The following GON4L variants were observed in gnomAD, a reference collection of about 807,000 sequenced individuals.
The protein encoded by GON4L is gon-4 like.
Under a neutral mutation model 211.8 loss-of-function variants are expected in GON4L, and 87 were observed. That is an observed-to-expected ratio of 0.41 (90% confidence interval 0.35 to 0.49). GON4L has a LOEUF of 0.49. Among genes scored for constraint, GON4L ranks in the 20% least tolerant of loss-of-function variants. The pLI is 0.15. For missense variants in GON4L, 2,155 were observed against 2,659.5 expected (o/e 0.81, Z 4.17); for synonymous variants, 875 against 962.6 (o/e 0.91, Z 1.68).
Position 155,766,155 on chromosome 1 carries a change from G to T in GON4L, c.3318C>A (p.Ala1106=). The change falls in exon 21 of 32, where the codon GCC becomes GCA. Residue 1106 remains alanine (A), a synonymous_variant. Coordinates refer to ENST00000368331, the MANE Select transcript of GON4L (RefSeq NM_001282860.2). ...CATATGGCTTTCGAAACTTAGAAGG[G>T]GCAAGGGAGGGCAGCATTACCTTGG... is the stretch of plus-strand genomic sequence containing the variant. ...PVPKVMLPSL[A]PSKFRKPYVR... 1 of 1,614,084 alleles carries T rather than the reference G, an allele frequency of 6.2e-7. No individual in the cohort carries two copies. Among genetic ancestry groups the T allele is most frequent in the South Asian group, 1.1e-5 (1 of 91,072 alleles).
chr1:155,766,206 C>T lies in GON4L; in HGVS notation c.3267G>A (p.Gln1089=), dbSNP rs1351097886. Residue 1089 remains glutamine (Q), a synonymous_variant, in exon 21 of 32, where the codon CAG becomes CAA. Coordinates refer to ENST00000368331, the MANE Select transcript of GON4L (RefSeq NM_001282860.2). ...GCACAGGGGCAGAAGAGAGCAAAGT[C>T]TGGGACTCAGACAGAGGGAAGCTTG... The part of the protein sequence containing the change: ...ARTSFPLSES[Q]TLLSSAPVPK... 2 of 1,613,966 alleles carry T rather than the reference C, an allele frequency of 1.2e-6. No individual in the cohort carries two copies. Among genetic ancestry groups the T allele is most frequent in the Admixed American group, 1.7e-5 (1 of 59,984 alleles).
chr1:155,811,391 CAAAAAAAAA>C (rs777417019), intron 10 of GON4L, among the ~76,000 whole-genome samples: 10 of 33,168 alleles, frequency 3.0e-4, no homozygotes, highest in East Asian at 1.1e-3. Flanking sequence ...GACTCCGTCT[CAAAAAAAAA>C]AAAAAAAAAA....
At chr1:155,798,010 G>C (rs1666245548) in intron 11 of GON4L, among the ~76,000 whole-genome samples, 1 of 151,632 alleles carries the variant, frequency 6.6e-6, no homozygotes. Flanking sequence ...GAGCCCAGGA[G>C]TTTGAGGCTG....
chr1:155,798,987 C>T (rs1666367961), intron 11 of GON4L, among the ~76,000 whole-genome samples: 1 of 152,108 alleles, frequency 6.6e-6, no homozygotes, highest in African/African-American at 2.4e-5. Flanking sequence ...AGCTTAATCA[C>T]TTTTTTGACT....
At chr1:155,792,753 T>C (rs1050423277) in intron 12 of GON4L, among the ~76,000 whole-genome samples, 1 of 152,150 alleles carries the variant, frequency 6.6e-6, no homozygotes, top group Non-Finnish European at 1.5e-5. Context: ...GACCATTCTG[T>C]CCTTCTTGAA....
chr1:155,803,247 CTTTT>C (rs1017161138), intron 11 of GON4L, among the ~76,000 whole-genome samples: 3 of 141,106 alleles, frequency 2.1e-5, no homozygotes, highest in African/African-American at 2.6e-5. Context: ...ATTTCTTTTT[CTTTT>C]TTTTTTTTTT....
intron 1 of GON4L, among the ~76,000 whole-genome samples, chr1:155,856,173 G>A (rs888683482): frequency 1.3e-5 from 2 of 151,904 alleles, no homozygotes; most frequent in African/African-American, 4.8e-5. Flanking sequence ...AAAGTTATTT[G>A]TAACTCTAAG....
intron 2 of GON4L, among the ~76,000 whole-genome samples, chr1:155,850,941 T>C (rs900873361): frequency 6.7e-6 from 1 of 148,898 alleles, no homozygotes; most frequent in Non-Finnish European, 1.5e-5. Context: ...CCTGTAGTCC[T>C]AGCTACTTGG....
chr1:155,795,199 T>C (rs1323001546), intron 11 of GON4L, 48 bp from the exon 12 acceptor site: 2 of 1,013,690 alleles, frequency 2.0e-6, no homozygotes, highest in African/African-American at 3.1e-5. Flanking sequence ...GTTCTCAAAC[T>C]TCTAAGAATC....
chr1:155,771,048 G>A lies in GON4L; in HGVS notation c.2646+19C>T, dbSNP rs1553200090. 1.1e-5 allele frequency: 17 copies of A among 1,614,080 alleles called. No individual in the cohort carries two copies. The highest frequency in any genetic ancestry group is 2.2e-5 in the South Asian group (2 of 91,086). On this transcript the variant is annotated intron_variant, in intron 19 of 31. Transcript: ENST00000368331. ...CATATTGGTGAGGTGCCCGGATGGC[G>A]CATGCAGGAAACACTCACTTTAATG...
chr1:155,855,312 C>T (rs919992417), intron 1 of GON4L, among the ~76,000 whole-genome samples: 1 of 151,924 alleles, frequency 6.6e-6, no homozygotes, highest in South Asian at 2.1e-4. Context: ...ATCAGCTTTT[C>T]GAGAAATGGG....
At chr1:155,781,742 T>C (rs1050608010) in intron 14 of GON4L, among the ~76,000 whole-genome samples, 3 of 152,038 alleles carry the variant, frequency 2.0e-5, no homozygotes, top group African/African-American at 7.2e-5. Flanking sequence ...ATTACTGGCG[T>C]GAGCCACCGC....
At position 155,849,922 on chromosome 1, in the gene GON4L, T is replaced by A. The variant is rs369507286; in HGVS notation, c.505+3354A>T. On this transcript the variant is annotated intron_variant, in intron 2 of 31. Transcript: ENST00000368331. ...ACTATCTCAAAGGAAATGCCTTTTT[T>A]CCAGTAAAAACACCTAAATTCCAGT... 2.0e-5 allele frequency among the ~76,000 whole-genome samples: 3 copies of A among 150,392 alleles called. No homozygotes were observed. In the South Asian group the frequency reaches 6.3e-4, roughly 32 times the overall value.
At position 155,776,470 on chromosome 1, in the gene GON4L, G is replaced by A. The variant is rs775230951; in HGVS notation, c.2103C>T (p.Leu701=). The change falls in exon 16 of 32, where the codon CTC becomes CTT. Residue 701 remains leucine (L), a synonymous_variant. Coordinates refer to ENST00000368331, the MANE Select transcript of GON4L (RefSeq NM_001282860.2). ...LQQQMQQHVQ[L]LTQIHLLATC... ...TGGCAAGAAGGTGGATTTGGGTCAAGAGCTGAACGTGCTGGGGATGGAAAG... is the reference window on the plus strand; with the variant it reads ...TGGCAAGAAGGTGGATTTGGGTCAAAAGCTGAACGTGCTGGGGATGGAAAG... 39 of 1,611,580 alleles carry A rather than the reference G, an allele frequency of 2.4e-5. No homozygotes were observed. Among genetic ancestry groups the A allele is most frequent in the Non-Finnish European group, 3.2e-5 (38 of 1,177,708 alleles).
rs569733769 is a variant in GON4L at position 155,760,569 on chromosome 1, T to C, written c.4984A>G (p.Ser1662Gly). The change falls in exon 24 of 32, where the codon AGT becomes GGT. Residue 1662 changes from serine to glycine, a missense_variant. Physicochemically the swap from Ser to Gly is moderately conservative, Grantham distance 56 (BLOSUM62 0). Coordinates refer to ENST00000368331, the MANE Select transcript of GON4L (RefSeq NM_001282860.2). ...FLQVIYEFES[S>G]TQRRTAVDLY... is the part of the protein sequence containing the mutation. ...TCTACAGCCGTCCGTCTCTGGGTAC[T>C]TGACTCAAATTCATAGATGACTTGA... 4 of 1,613,360 alleles carry C rather than the reference T, an allele frequency of 2.5e-6. No homozygotes were observed. The highest frequency in any genetic ancestry group is 3.3e-5 in the Admixed American group (2 of 60,014).
Position 155,777,766 on chromosome 1 carries a change from C to G in GON4L, c.1947G>C (p.Glu649Asp). Residue 649 changes from glutamate (E) to aspartate (D), a missense_variant, in exon 15 of 32, where the codon GAG (glutamate) becomes GAC (aspartate). By Grantham distance (45) the Glu-to-Asp change is conservative. Coordinates refer to ENST00000368331, the MANE Select transcript of GON4L (RefSeq NM_001282860.2). ...LLNEQHRTVKELFEQLKMKKS... is the reference protein window; with the variant it reads ...LLNEQHRTVKDLFEQLKMKKS... ...TCTTCATCTTCAGCTGTTCAAATAG[C>G]TCCTTCACTGTCCGATGTTGTTCAT... 6.2e-7 allele frequency: 1 copy of G among 1,613,598 alleles called. No individual in the cohort carries two copies.
At chr1:155,808,954 C>A (rs1667424955) in intron 10 of GON4L, among the ~76,000 whole-genome samples, 1 of 151,956 alleles carries the variant, frequency 6.6e-6, no homozygotes, top group Non-Finnish European at 1.5e-5. Flanking sequence ...CATACTATTA[C>A]CCATGCTGGA....
At chr1:155,855,856 C>T (rs1019807503) in intron 1 of GON4L, among the ~76,000 whole-genome samples, 1 of 151,800 alleles carries the variant, frequency 6.6e-6, no homozygotes, top group Non-Finnish European at 1.5e-5. Flanking sequence ...GTGGTGGGCA[C>T]CTGTAGTCCC....
At chr1:155,782,922 G>C (rs1664569286) in intron 14 of GON4L, among the ~76,000 whole-genome samples, 1 of 152,246 alleles carries the variant, frequency 6.6e-6, no homozygotes, top group Admixed American at 6.5e-5. Flanking sequence ...GCCTCCCAAA[G>C]TGCAGGGATT....
Sources: gnomAD v4.1 joint callset for allele counts (sites outside exome capture counted in the v4.1 genomes callset) on GRCh38, gnomAD v4.1.1 for gene constraint, MANE v1.5 for transcripts, NCBI Gene and HGNC (gene_info 2026-07-23, HGNC 2026-07-21) for gene names.